The following STON2 variants were observed in gnomAD, a reference collection of about 807,000 sequenced individuals.
STON2 encodes the protein stonin 2.
A neutral mutation model predicts 65.7 loss-of-function variants in STON2; 29 were observed. That is an observed-to-expected ratio of 0.44 (90% confidence interval 0.33 to 0.60). The LOEUF is 0.60. Ranked by LOEUF, STON2 falls within the 20% of genes least tolerant of loss-of-function variation. The pLI, the probability that STON2 is intolerant of heterozygous loss-of-function variation, is 0.03. For missense variants in STON2, 1,054 were observed against 1,118.1 expected (o/e 0.94, Z 0.82); for synonymous variants, 404 against 414.2 (o/e 0.98, Z 0.30).
At chr14:81,340,018 G>A (rs1897535358) in intron 4 of STON2, among the ~76,000 whole-genome samples, 1 of 152,170 alleles carries the variant, frequency 6.6e-6, no homozygotes. Flanking sequence ...GCCGGGCGTG[G>A]TGGCGGGCGC....
chr14:81,374,475 T>C (rs1300168398), intron 3 of STON2, among the ~76,000 whole-genome samples: 1 of 151,864 alleles, frequency 6.6e-6, no homozygotes, highest in Admixed American at 6.6e-5. Flanking sequence ...ACCAGCAAAG[T>C]GTGTGGGTGG....
intron 3 of STON2, among the ~76,000 whole-genome samples, chr14:81,384,379 C>A (rs1164381324): frequency 6.6e-6 from 1 of 152,126 alleles, no homozygotes; most frequent in Non-Finnish European, 1.5e-5. Context: ...TCTCGAGTAA[C>A]TGGGATTACA....
intron 5 of STON2, among the ~76,000 whole-genome samples, chr14:81,288,658 T>G (rs1895434212): frequency 6.6e-6 from 1 of 152,176 alleles, no homozygotes; most frequent in African/African-American, 2.4e-5. Flanking sequence ...TTGCAGGAGC[T>G]CAGCCTTTTG....
In STON2 at chr14:81,411,981, A is replaced by G. The variant is rs1901188784; in HGVS notation, c.-198-13401T>C. On this transcript the variant is annotated intron_variant, in intron 2 of 8. Transcript: ENST00000553821. The stretch of plus-strand genomic sequence containing the variant: ...AACCACGATGGGATGAAAAGTGAAG[A>G]GGATTCAAGGTAAAGGGAACCAAAG... Among the ~76,000 whole-genome samples, 2 of 140,018 alleles carry G rather than the reference A, an allele frequency of 1.4e-5. 1 individual carries two copies. The highest frequency in any genetic ancestry group is 3.0e-5 in the Non-Finnish European group (2 of 66,954). The allele number at this position is 140,018 out of a possible 152,430, so 91.9% of individuals were successfully genotyped here.
chr14:81,271,749 T>C (rs1894602610), intron 6 of STON2, among the ~76,000 whole-genome samples: 1 of 152,234 alleles, frequency 6.6e-6, no homozygotes, highest in Non-Finnish European at 1.5e-5. Context: ...GCTGTGACTA[T>C]AACCACTGAA....
At chr14:81,348,183 C>T (rs1207790230) in intron 4 of STON2, among the ~76,000 whole-genome samples, 2 of 152,076 alleles carry the variant, frequency 1.3e-5, no homozygotes, top group Admixed American at 1.3e-4. Context: ...AGCAGAAAGC[C>T]TTTCCTCTCA....
At chr14:81,385,236 G>A (rs535606340) in intron 3 of STON2, among the ~76,000 whole-genome samples, 1 of 152,348 alleles carries the variant, frequency 6.6e-6, no homozygotes, top group African/African-American at 2.4e-5. Flanking sequence ...TCTGCAAGAG[G>A]AGAATATTGG....
chr14:81,287,902 G>T (rs1895401008), intron 5 of STON2, among the ~76,000 whole-genome samples: 1 of 152,098 alleles, frequency 6.6e-6, no homozygotes, highest in Non-Finnish European at 1.5e-5. Context: ...GGCTGTCTTA[G>T]ATGAGGGCTC....
Position 81,306,237 on chromosome 14 carries a change from T to A in STON2, c.742+17780A>T, listed in dbSNP as rs1194427316. 4.7e-5 allele frequency among the ~76,000 whole-genome samples: 6 copies of A among 127,168 alleles called. No homozygotes were observed. The South Asian group carries it at 8.1e-4, about 17-fold the overall frequency. The allele number at this position is 127,168 out of a possible 152,430, so 83.4% of individuals were successfully genotyped here. On this transcript the variant is annotated intron_variant, in intron 5 of 7. Coordinates refer to ENST00000614646, the MANE Select transcript of STON2 (RefSeq NM_001394390.1). ...TACATACTCTTTTTTTTTTTTTTTT[T>A]TTTTTTTTTTGAGATGGAGTTTCAC... is the stretch of plus-strand genomic sequence containing the variant.
At chr14:81,291,595 G>C (rs910115120) in intron 5 of STON2, among the ~76,000 whole-genome samples, 1 of 151,646 alleles carries the variant, frequency 6.6e-6, no homozygotes, top group Non-Finnish European at 1.5e-5. Context: ...TCTTTTCAAT[G>C]TTTCTACTTT....
At chr14:81,434,170 A>C (rs1902321082) in intron 1 of STON2, among the ~76,000 whole-genome samples, 2 of 152,220 alleles carry the variant, frequency 1.3e-5, no homozygotes, top group Non-Finnish European at 2.9e-5. Context: ...TTCTAAGAAA[A>C]AATAATAATA....
At position 81,261,958 on chromosome 14, in the gene STON2, AAAAAG is replaced by A. The variant is rs1229883120; in HGVS notation, c.*6451_*6455del. 11 of 1,438,936 alleles carry A rather than the reference AAAAAG, an allele frequency of 7.6e-6. No individual in the cohort carries two copies. The highest frequency in any genetic ancestry group is 3.6e-6 in the Non-Finnish European group (4 of 1,103,196). The allele number at this position is 1,438,936 out of a possible 1,614,324, so 89.1% of individuals were successfully genotyped here. A position where few individuals can be genotyped will look rare whatever the true frequency, so the allele number is the denominator to read the frequency against. On this transcript the variant is annotated 3_prime_UTR_variant, in exon 8 of 8. Transcript: ENST00000614646. ...TGGGGAAATGATAAAAAAAAAAAAA[AAAAAG>A]AGAGAGATGTGAAAAGGAAAAAGAT...
At position 81,368,603 on chromosome 14, in the gene STON2, A is replaced by C. The variant is rs542362178; in HGVS notation, c.571+2385T>G. ...GTGGCACACACCTGTAATCCCAGCT[A>C]CTTGGGAGGCTGAGGCAGGAAAACT... On this transcript the variant is annotated intron_variant, in intron 4 of 7. Coordinates refer to ENST00000614646, the MANE Select transcript of STON2 (RefSeq NM_001394390.1). 3.3e-5 allele frequency among the ~76,000 whole-genome samples: 5 copies of C among 152,254 alleles called. No individual in the cohort carries two copies. The South Asian group carries it at 1.0e-3, about 32-fold the overall frequency.
chr14:81,393,436 G>C (rs1900171012), intron 3 of STON2, among the ~76,000 whole-genome samples: 1 of 152,150 alleles, frequency 6.6e-6, no homozygotes, highest in Non-Finnish European at 1.5e-5. Flanking sequence ...CAGGAAGAGT[G>C]AGGCAAACGG....
chr14:81,332,468 T>C (rs988406896), intron 4 of STON2, among the ~76,000 whole-genome samples: 1 of 152,200 alleles, frequency 6.6e-6, no homozygotes, highest in African/African-American at 2.4e-5. Flanking sequence ...TAAAAACCTC[T>C]CTTTTGGGGA....
At chr14:81,306,010 T>C (rs1263257098) in intron 5 of STON2, among the ~76,000 whole-genome samples, 1 of 152,014 alleles carries the variant, frequency 6.6e-6, no homozygotes, top group Non-Finnish European at 1.5e-5. Flanking sequence ...GATCTAGCTC[T>C]GGCCTTTTCT....
chr14:81,435,610 A>G (rs150062502), intron 1 of STON2, among the ~76,000 whole-genome samples: 1 of 152,140 alleles, frequency 6.6e-6, no homozygotes, highest in Non-Finnish European at 1.5e-5. Context: ...ACAGTTAATG[A>G]TTCACTCACA....
At chr14:81,417,875 G>C (rs945191090) in intron 2 of STON2, among the ~76,000 whole-genome samples, 1 of 152,182 alleles carries the variant, frequency 6.6e-6, no homozygotes, top group Admixed American at 6.5e-5. Flanking sequence ...CAGGCAGAGA[G>C]AGAGATAGAA....
chr14:81,293,140 T>C (rs1895625044), intron 5 of STON2, among the ~76,000 whole-genome samples: 1 of 150,968 alleles, frequency 6.6e-6, no homozygotes. Flanking sequence ...GGTGGCACCC[T>C]AGGAAGCCTT....
Sources: allele counts gnomAD v4.1 joint callset (sites outside exome capture counted in the v4.1 genomes callset), GRCh38; gene constraint gnomAD v4.1.1; transcripts MANE v1.5; gene names NCBI Gene and HGNC (gene_info 2026-07-23, HGNC 2026-07-21).